Variants in BTC observed in about 807,000 individuals in gnomAD.
BTC encodes the protein betacellulin.
Under a neutral mutation model 18.1 loss-of-function variants are expected in BTC, and 13 were observed. The observed-to-expected ratio is 0.72, with a 90% CI of 0.47 to 1.14. BTC has a LOEUF of 1.14. Among genes scored for constraint, BTC ranks in the 50% most tolerant of loss-of-function variants. The pLI is 0.00. For missense variants in BTC, 247 were observed against 224.2 expected (o/e 1.10, Z -0.65); for synonymous variants, 83 against 79.4 (o/e 1.05, Z -0.24).
At chr4:74,772,137 G>A (rs1408982180) in intron 1 of BTC, among the ~76,000 whole-genome samples, 1 of 152,112 alleles carries the variant, frequency 6.6e-6, no homozygotes, top group Admixed American at 6.6e-5. Context: ...ATAGTCAAAA[G>A]GTGAATAAGT....
chr4:74,774,777 T>C (rs13150130), intron 1 of BTC, among the ~76,000 whole-genome samples: 1 of 152,096 alleles, frequency 6.6e-6, no homozygotes, highest in East Asian at 1.9e-4. Flanking sequence ...GATTCTGTTA[T>C]GCAGCTAAGT....
At chr4:74,748,448 A>G (rs1260852856) in intron 4 of BTC, among the ~76,000 whole-genome samples, 1 of 151,792 alleles carries the variant, frequency 6.6e-6, no homozygotes. Flanking sequence ...AGGCAGGAGA[A>G]TGGCGTGAAC....
chr4:74,794,349 C>T lies in BTC; in HGVS notation c.-24G>A. 1 of 1,537,322 alleles carries T rather than the reference C, an allele frequency of 6.5e-7. No homozygotes were observed. Among genetic ancestry groups the T allele is most frequent in the Non-Finnish European group, 8.8e-7 (1 of 1,142,354 alleles). On this transcript the variant is annotated 5_prime_UTR_variant, in exon 1 of 6. Transcript: ENST00000395743. ...ATCAACCCCGCTCTGCCGGGCCGGG[C>T]AGCCCCTAGACAAGTCTCCCTCCTT...
intron 2 of BTC, among the ~76,000 whole-genome samples, chr4:74,766,237 T>C (rs927589029): frequency 6.6e-6 from 1 of 152,028 alleles, no homozygotes; most frequent in African/African-American, 2.4e-5. Context: ...TTTATAAATG[T>C]TGTACTCTTA....
rs77780994 is a variant in BTC, at chr4:74,763,685, A to G, written c.163+6373T>C. Among the ~76,000 whole-genome samples the G allele has an allele frequency of 6.3e-3, 957 of 152,228 alleles. 8 individuals are homozygous for G. The highest frequency in any genetic ancestry group is 8.1e-3 in the Non-Finnish European group (552 of 67,990). ...AAAGAATCAGGGATTAATAAATTTC[A>G]CTTTTCACGGATGCTGAGGAGGTGG... On this transcript the variant is annotated intron_variant, in intron 2 of 5. Transcript: ENST00000395743.
rs138375166 is a variant in BTC at position 74,770,135 on chromosome 4, A to G, written c.86T>C (p.Val29Ala). 186 of 1,613,030 alleles carry G rather than the reference A, an allele frequency of 1.2e-4. No individual in the cohort carries two copies. The African/African-American group carries it at 2.2e-3, about 19-fold the overall frequency. Residue 29 changes from valine (V) to alanine (A), a missense_variant, in exon 2 of 6, where the codon GTG becomes GCG. Val to Ala is a moderately conservative substitution (Grantham distance 64). Coordinates refer to ENST00000395743, the MANE Select transcript of BTC (RefSeq NM_001729.4). ...LALGLVILHCVVADGNSTRSP... is the reference protein window; with the variant it reads ...LALGLVILHCAVADGNSTRSP... ...TCTGGTGGAATTCCCATCTGCCACC[A>G]CACAGTGAAGGATCACTAGACCTTC...
intron 1 of BTC, among the ~76,000 whole-genome samples, chr4:74,774,387 T>G (rs1725123373): frequency 6.6e-6 from 1 of 152,100 alleles, no homozygotes; most frequent in South Asian, 2.1e-4. Context: ...ATAAGGAAAT[T>G]ATTGCAGTAA....
chr4:74,789,089 A>ACATT (rs1725555561), intron 1 of BTC, among the ~76,000 whole-genome samples: 1 of 152,214 alleles, frequency 6.6e-6, no homozygotes, highest in South Asian at 2.1e-4. Flanking sequence ...ATCCCCACTG[A>ACATT]CATTCATTCA....
intron 1 of BTC, among the ~76,000 whole-genome samples, chr4:74,776,535 T>A (rs1047007365): frequency 2.6e-5 from 4 of 152,286 alleles, no homozygotes; most frequent in African/African-American, 7.2e-5. Flanking sequence ...GATTCTCAAG[T>A]TAAATATTAC....
At chr4:74,779,341 C>CT (rs897087448) in intron 1 of BTC, among the ~76,000 whole-genome samples, 40 of 151,892 alleles carry the variant, frequency 2.6e-4, no homozygotes, top group Non-Finnish European at 3.4e-4. Flanking sequence ...GTAAATCAAC[C>CT]TTTTTTTTAC....
chr4:74,780,216 T>C (rs1725282837), intron 1 of BTC, among the ~76,000 whole-genome samples: 1 of 152,158 alleles, frequency 6.6e-6, no homozygotes, highest in Admixed American at 6.6e-5. Context: ...TCACAACACA[T>C]ATTGCCAGTT....
At chr4:74,747,974 T>C (rs553993531) in intron 5 of BTC, 66 bp downstream of exon 5, 1 of 765,098 alleles carries the variant, frequency 1.3e-6, no homozygotes, top group East Asian at 2.8e-5. Flanking sequence ...TAGATGCAAG[T>C]AAGCCCAATC....
At chr4:74,761,570 A>G (rs1354530043) in intron 2 of BTC, among the ~76,000 whole-genome samples, 1 of 152,196 alleles carries the variant, frequency 6.6e-6, no homozygotes, top group Non-Finnish European at 1.5e-5. Flanking sequence ...TGATTTTCCC[A>G]TTCAAACTTG....
rs371777921 is a variant in BTC at position 74,750,576 on chromosome 4, C to A, written c.425G>T (p.Cys142Phe). 6.8e-6 allele frequency: 11 copies of A among 1,606,770 alleles called. No individual in the cohort carries two copies. The highest frequency in any genetic ancestry group is 9.3e-6 in the Non-Finnish European group (11 of 1,177,888). Residue 142 changes from cysteine (C) to phenylalanine (F), a missense_variant, in exon 4 of 6, where the codon TGT becomes TTT. Coordinates refer to ENST00000395743, the MANE Select transcript of BTC (RefSeq NM_001729.4). ...AATTAAGTTTAAAAATACTTACTGA[C>A]AGCATGTGCAGACACCGATGACCAA... ...IILVIGVCTC[C>F]HPLRKRRKRK...
At chr4:74,773,616 CTT>C (rs34447690) in intron 1 of BTC, among the ~76,000 whole-genome samples, 3 of 145,748 alleles carry the variant, frequency 2.1e-5, no homozygotes, top group Non-Finnish European at 4.5e-5. Flanking sequence ...TAGACACAAA[CTT>C]TTTTTTTTTT....
At chr4:74,746,719 A>G (rs1272310603) in intron 5 of BTC, 44 bp from the exon 6 acceptor site, 2 of 152,618 alleles carry the variant, frequency 1.3e-5, no homozygotes, top group Non-Finnish European at 2.9e-5. Flanking sequence ...AAAGAAATGG[A>G]CTATGCAATA....
chr4:74,750,133 G>A (rs1414767233), intron 4 of BTC, among the ~76,000 whole-genome samples: 6 of 152,022 alleles, frequency 3.9e-5, no homozygotes, highest in African/African-American at 1.4e-4. Flanking sequence ...ATTGTGCAAA[G>A]CCACTCTGTC....
intron 2 of BTC, among the ~76,000 whole-genome samples, chr4:74,757,761 G>A (rs1362700042): frequency 1.3e-5 from 2 of 152,186 alleles, no homozygotes; most frequent in South Asian, 4.2e-4. Flanking sequence ...ACTGGATTCG[G>A]AGAAAGAAAA....
chr4:74,791,534 C>A (rs796905121), intron 1 of BTC, among the ~76,000 whole-genome samples: 1 of 152,142 alleles, frequency 6.6e-6, no homozygotes, highest in South Asian at 2.1e-4. Flanking sequence ...AACACATAAA[C>A]GTGTAATTTA....
Sources: allele counts gnomAD v4.1 joint callset (sites outside exome capture counted in the v4.1 genomes callset), GRCh38; gene constraint gnomAD v4.1.1; transcripts MANE v1.5; gene names NCBI Gene and HGNC (gene_info 2026-07-23, HGNC 2026-07-21).